PDGFC: variants seen among roughly 807,000 people sequenced by gnomAD.
The protein encoded by PDGFC is platelet-derived growth factor C.
PDGFC carries 12 observed loss-of-function variants against 35.5 expected under a neutral mutation model. That is an observed-to-expected ratio of 0.34 (90% CI 0.22 to 0.55). The LOEUF (loss-of-function observed/expected upper bound fraction) is 0.55, where lower values mean the gene tolerates loss of function less well. PDGFC is among the 20% of genes least tolerant of loss of function. The probability of loss-of-function intolerance (pLI) is 0.91; values close to 1 mark genes in which losing one functional copy is unlikely to be tolerated. For synonymous variants in PDGFC, 159 were observed against 148.8 expected, an observed-to-expected ratio of 1.07 and a Z score of -0.50; for missense variants, 322 against 412.4, an observed-to-expected ratio of 0.78 and a Z score of 1.90.
chr4:156,882,941 G>A (rs556797757), intron 1 of PDGFC, among the ~76,000 whole-genome samples: 6 of 152,010 alleles, frequency 3.9e-5, no homozygotes, highest in African/African-American at 1.4e-4. Flanking sequence ...AAAATTAGCC[G>A]GACATGGTGG....
chr4:156,880,450 G>T (rs1394990384), intron 1 of PDGFC, among the ~76,000 whole-genome samples: 6 of 152,108 alleles, frequency 3.9e-5, no homozygotes, highest in Admixed American at 3.9e-4. Flanking sequence ...AAGAAAAAAA[G>T]ATTCCTTTCA....
At chr4:156,789,457 G>A (rs1401464279) in intron 3 of PDGFC, among the ~76,000 whole-genome samples, 2 of 152,166 alleles carry the variant, frequency 1.3e-5, no homozygotes, top group Non-Finnish European at 2.9e-5. Flanking sequence ...AAGACTGGGT[G>A]TAACTACAAA....
chr4:156,968,825 C>T (rs1275449054), intron 1 of PDGFC, among the ~76,000 whole-genome samples: 1 of 152,120 alleles, frequency 6.6e-6, no homozygotes, highest in Non-Finnish European at 1.5e-5. Context: ...AAACAAGCAG[C>T]AATTTTTAGC....
chr4:156,881,100 T>C (rs990203020), intron 1 of PDGFC, among the ~76,000 whole-genome samples: 30 of 152,258 alleles, frequency 2.0e-4, no homozygotes, highest in African/African-American at 7.2e-4. Context: ...AAGAGTCAAT[T>C]GATGCAGCAA....
Position 156,761,448 on chromosome 4 carries a change from G to C in PDGFC, c.*1642C>G, listed in dbSNP as rs953665259. 6.6e-6 allele frequency: 1 copy of C among 152,116 alleles called. No individual in the cohort carries two copies. Among genetic ancestry groups the C allele is most frequent in the African/African-American group, 2.4e-5 (1 of 41,422 alleles). 9.4% of individuals were successfully genotyped at this position (152,116 alleles called of 1,614,324 possible). A position where few individuals can be genotyped will look rare whatever the true frequency, so the allele number is the denominator to read the frequency against. ...GACCAGTAAGAAAAATAAAACCATT[G>C]CTCAAAGGCATTGGAAACAAGAGGC... is the stretch of plus-strand genomic sequence containing the variant. On this transcript the variant is annotated 3_prime_UTR_variant, in exon 6 of 6. Coordinates refer to ENST00000502773, the MANE Select transcript of PDGFC (RefSeq NM_016205.3).
chr4:156,791,017 T>C (rs1731286345), intron 3 of PDGFC, among the ~76,000 whole-genome samples: 1 of 152,288 alleles, frequency 6.6e-6, no homozygotes, highest in Admixed American at 6.5e-5. Flanking sequence ...TTTCCTAGGA[T>C]CAACATTCAT....
At chr4:156,796,911 T>TAAAG (rs1731458158) in intron 3 of PDGFC, among the ~76,000 whole-genome samples, 1 of 152,118 alleles carries the variant, frequency 6.6e-6, no homozygotes. Context: ...AAGTCACAAT[T>TAAAG]TGCTACAACC....
chr4:156,947,638 A>G (rs1446708516), intron 1 of PDGFC, among the ~76,000 whole-genome samples: 6 of 152,060 alleles, frequency 3.9e-5, no homozygotes, highest in Admixed American at 3.9e-4. Context: ...TTGAGGTATA[A>G]CAGCAAAAAG....
rs1233086326 is a variant in PDGFC, at chr4:156,833,852, A to T, written c.314+16369T>A. The stretch of plus-strand genomic sequence containing the variant: ...CCTACTCCTTGAAGGACTGCTGTAA[A>T]GATTAGAGTTGTGGATAACCAACCT... On this transcript the variant is annotated intron_variant, in intron 2 of 5. Transcript: ENST00000502773. 4.6e-5 allele frequency among the ~76,000 whole-genome samples: 7 copies of T among 152,200 alleles called. 1 individual carries two copies. The highest frequency in any genetic ancestry group is 1.0e-4 in the Non-Finnish European group (7 of 68,034).
intron 3 of PDGFC, among the ~76,000 whole-genome samples, chr4:156,797,214 T>A (rs575367079): frequency 6.8e-6 from 1 of 147,420 alleles, no homozygotes; most frequent in South Asian, 2.1e-4. Context: ...CTCCACCCTG[T>A]GCGACAGAGC....
chr4:156,968,676 G>GC (rs1262113741), intron 1 of PDGFC, among the ~76,000 whole-genome samples: 2 of 151,946 alleles, frequency 1.3e-5, no homozygotes, highest in Non-Finnish European at 2.9e-5. Context: ...GCTCTATATT[G>GC]CCCCCTAGTG....
chr4:156,934,074 C>A (rs1225516430), intron 1 of PDGFC, among the ~76,000 whole-genome samples: 1 of 152,122 alleles, frequency 6.6e-6, no homozygotes, highest in Non-Finnish European at 1.5e-5. Context: ...ATTATAGTGC[C>A]TTGTGCTTAA....
intron 1 of PDGFC, 120 bp downstream of exon 1, chr4:156,970,666 C>G: frequency 2.8e-6 from 2 of 704,620 alleles, no homozygotes; most frequent in Admixed American, 4.0e-5. Context: ...CGCACATTTG[C>G]ATGTAATGAG....
At chr4:156,886,506 CA>C (rs1730379279) in intron 1 of PDGFC, 1 of 152,172 alleles carries the variant, frequency 6.6e-6, no homozygotes, top group South Asian at 2.1e-4. Flanking sequence ...TATCACCAAC[CA>C]AACTATCGTC....
chr4:156,887,919 C>T (rs1730413339), intron 1 of PDGFC, among the ~76,000 whole-genome samples: 1 of 151,260 alleles, frequency 6.6e-6, no homozygotes. Flanking sequence ...GGGAGAATCG[C>T]TTGAGCCCAG....
chr4:156,902,781 T>C (rs543365503), intron 1 of PDGFC, among the ~76,000 whole-genome samples: 54 of 152,290 alleles, frequency 3.5e-4, no homozygotes, highest in Admixed American at 1.3e-3. Flanking sequence ...GTGGCACAGA[T>C]GTTTAGCTTT....
chr4:156,796,491 A>ATTTTTTTTTTTTTTTTTTT (rs35891804), intron 3 of PDGFC, among the ~76,000 whole-genome samples: 3 of 101,628 alleles, frequency 3.0e-5, no homozygotes, highest in African/African-American at 6.8e-5. Flanking sequence ...ACCACTTTGT[A>ATTTTTTTTTTTTTTTTTTT]TTTTTTTTTT....
intron 1 of PDGFC, among the ~76,000 whole-genome samples, chr4:156,929,303 G>C (rs1452326432): frequency 6.6e-6 from 1 of 152,014 alleles, no homozygotes; most frequent in Non-Finnish European, 1.5e-5. Flanking sequence ...ATCAGTATCT[G>C]TTCAAACCTT....
chr4:156,912,078 A>C (rs1560869618), intron 1 of PDGFC, among the ~76,000 whole-genome samples: 1 of 152,324 alleles, frequency 6.6e-6, no homozygotes, highest in East Asian at 1.9e-4. Context: ...ACAGAAACCG[A>C]GAGCAAATTT....
Sources: gnomAD v4.1 joint callset for allele counts (sites outside exome capture counted in the v4.1 genomes callset) on GRCh38, gnomAD v4.1.1 for gene constraint, MANE v1.5 for transcripts, NCBI Gene and HGNC (gene_info 2026-07-23, HGNC 2026-07-21) for gene names.